PACRG: variants seen among roughly 807,000 people sequenced by gnomAD.
PACRG encodes the protein parkin coregulated gene protein.
PACRG carries 29 observed loss-of-function variants against 29.7 expected under a neutral mutation model. The observed-to-expected ratio is 0.98, with a 90% confidence interval of 0.73 to 1.33. The LOEUF is 1.33. PACRG is among the 40% of genes most tolerant of loss of function. The probability of loss-of-function intolerance (pLI) is 0.00; values close to 1 mark genes in which losing one functional copy is unlikely to be tolerated. For synonymous variants in PACRG, 116 were observed against 118.7 expected (o/e 0.98, Z 0.15); for missense variants, 279 against 316.2 (o/e 0.88, Z 0.89).
At chr6:162,812,127 G>A (rs1193165695) in intron 1 of PACRG, among the ~76,000 whole-genome samples, 1 of 151,798 alleles carries the variant, frequency 6.6e-6, no homozygotes, top group Non-Finnish European at 1.5e-5. Context: ...GGCAAATTGA[G>A]GGAACTTTGT....
At chr6:163,154,224 G>T (rs151054946) in intron 4 of PACRG, among the ~76,000 whole-genome samples, 3 of 152,192 alleles carry the variant, frequency 2.0e-5, no homozygotes, top group African/African-American at 7.2e-5. Flanking sequence ...CAGAAGGATC[G>T]AGAGGCAACA....
At chr6:163,263,215 G>A (rs777429797) in intron 4 of PACRG, among the ~76,000 whole-genome samples, 3 of 150,554 alleles carry the variant, frequency 2.0e-5, no homozygotes, top group Non-Finnish European at 2.9e-5. Context: ...CCAAGGGGCT[G>A]AGAACCCTTC....
In PACRG at chr6:163,264,129, T is replaced by A. The variant is rs144479583; in HGVS notation, c.614-50698T>A. Among the ~76,000 whole-genome samples, 309 of 152,314 alleles carry A rather than the reference T, an allele frequency of 2.0e-3. 2 individuals carry two copies. Among genetic ancestry groups the A allele is most frequent in the South Asian group, 4.1e-3 (20 of 4,828 alleles). On this transcript the variant is annotated intron_variant, in intron 4 of 4. Coordinates refer to ENST00000366888, the MANE Select transcript of PACRG (RefSeq NM_001080379.2). ...AGTGCAAGATGCAAACTCAAATAGC[T>A]GAGAACTCAACTCCTACTGTTAGAT... is the stretch of plus-strand genomic sequence containing the variant.
At chr6:162,886,397 T>A (rs1425087667) in intron 2 of PACRG, among the ~76,000 whole-genome samples, 1 of 152,210 alleles carries the variant, frequency 6.6e-6, no homozygotes. Context: ...ATTCCGGGTT[T>A]TTCCTTTTCA....
intron 4 of PACRG, among the ~76,000 whole-genome samples, chr6:163,215,848 A>G (rs950215642): frequency 5.9e-5 from 9 of 152,218 alleles, no homozygotes; most frequent in Admixed American, 4.6e-4. Context: ...GAAAGGACAA[A>G]TAGACAAATA....
At chr6:163,197,917 A>C (rs777595783) in intron 4 of PACRG, among the ~76,000 whole-genome samples, 1 of 152,210 alleles carries the variant, frequency 6.6e-6, no homozygotes, top group Non-Finnish European at 1.5e-5. Flanking sequence ...CAGGAGCACA[A>C]AACAAAAAGT....
intron 2 of PACRG, among the ~76,000 whole-genome samples, chr6:162,962,221 C>T (rs1261744907): frequency 1.3e-5 from 2 of 152,180 alleles, no homozygotes; most frequent in Admixed American, 6.5e-5. Context: ...TTGTCCATCT[C>T]TATGCCTAAT....
intron 2 of PACRG, among the ~76,000 whole-genome samples, chr6:162,897,261 G>A (rs1010277210): frequency 2.0e-5 from 3 of 152,220 alleles, no homozygotes; most frequent in Non-Finnish European, 4.4e-5. Flanking sequence ...TACTAAAAGA[G>A]AAATTTAGAT....
intron 4 of PACRG, chr6:163,310,317 G>A (rs944018004): frequency 2.0e-5 from 3 of 152,274 alleles, no homozygotes; most frequent in African/African-American, 7.2e-5. Flanking sequence ...AGCGCGTGGA[G>A]GCTCTGGAAG....
At chr6:162,727,753 C>T (rs556535340), upstream of PACRG, 43 of 1,423,100 alleles carry the variant, frequency 3.0e-5, no homozygotes, top group East Asian at 1.0e-3. Context: ...AGCGGCTCTC[C>T]TGGGTTAAAT....
intron 2 of PACRG, among the ~76,000 whole-genome samples, chr6:162,928,654 G>C (rs917680927): frequency 6.6e-6 from 1 of 151,832 alleles, no homozygotes; most frequent in Non-Finnish European, 1.5e-5. Context: ...TTTGAAATAT[G>C]CAATAGATCG....
intron 2 of PACRG, among the ~76,000 whole-genome samples, chr6:163,041,103 C>T (rs1371252571): frequency 3.3e-5 from 5 of 152,038 alleles, no homozygotes; most frequent in Non-Finnish European, 5.9e-5. Context: ...TTTGAGAGGC[C>T]AAGGCGGGCG....
rs140695736 is a variant in PACRG at position 163,067,184 on chromosome 6, T to C, written c.463+4863T>C. 3.4e-3 allele frequency among the ~76,000 whole-genome samples: 511 copies of C among 152,258 alleles called. 1 individual carries two copies. Among genetic ancestry groups the C allele is most frequent in the Admixed American group, 5.5e-3 (84 of 15,292 alleles). On this transcript the variant is annotated intron_variant, in intron 3 of 4. Coordinates refer to ENST00000366888, the MANE Select transcript of PACRG (RefSeq NM_001080379.2). The stretch of plus-strand genomic sequence containing the variant: ...TTCAGTATGCATCCGCGGACCTTGG[T>C]AAAATGCAGGCTCCAGATCAGCAGA...
At chr6:163,271,919 C>A (rs1306807744) in intron 4 of PACRG, among the ~76,000 whole-genome samples, 1 of 152,176 alleles carries the variant, frequency 6.6e-6, no homozygotes, top group African/African-American at 2.4e-5. Context: ...TGTGACTTTC[C>A]ACTTGCTCCT....
intron 1 of PACRG, among the ~76,000 whole-genome samples, chr6:162,795,826 A>G (rs1049473895): frequency 1.3e-5 from 2 of 152,090 alleles, no homozygotes; most frequent in African/African-American, 4.8e-5. Context: ...CATTTTTCCC[A>G]TGTACTTTAT....
chr6:162,769,123 C>A (rs1298655865), intron 1 of PACRG, among the ~76,000 whole-genome samples: 1 of 152,096 alleles, frequency 6.6e-6, no homozygotes, highest in Non-Finnish European at 1.5e-5. Context: ...AACAGTAAAA[C>A]AGCATATGGG....
intron 2 of PACRG, among the ~76,000 whole-genome samples, chr6:163,006,342 A>G (rs1444039651): frequency 1.3e-5 from 2 of 150,644 alleles, no homozygotes; most frequent in Admixed American, 1.3e-4. Context: ...GAACACGAAT[A>G]TGTTCTATTT....
Position 162,853,570 on chromosome 6 carries a change from C to A in PACRG, c.291+39289C>A, listed in dbSNP as rs535154379. On this transcript the variant is annotated intron_variant, in intron 2 of 4. Coordinates refer to ENST00000366888, the MANE Select transcript of PACRG (RefSeq NM_001080379.2). The surrounding 1 kb of genome is among the most constrained non-coding windows in gnomAD (Gnocchi z 4.7). Reference sequence around the variant, plus strand: ...GCTATACTACCAGATAACACAGGAACAGAAAACCAAATACCACATGTTCTC... The same window carrying A: ...GCTATACTACCAGATAACACAGGAAAAGAAAACCAAATACCACATGTTCTC... Among the ~76,000 whole-genome samples the A allele has an allele frequency of 2.6e-5, 4 of 152,256 alleles. No homozygotes were observed. In the East Asian group the frequency reaches 7.7e-4, roughly 29 times the overall value.
chr6:162,846,879 T>TCCACACTGACCACTGTGCTCC (rs1343520528), intron 2 of PACRG, among the ~76,000 whole-genome samples: 1 of 145,942 alleles, frequency 6.9e-6, no homozygotes, highest in Non-Finnish European at 1.5e-5. Context: ...ACCGCTGCTC[T>TCCACACTGACCACTGTGCTCC]CCACACTGAC....
Sources: allele counts gnomAD v4.1 joint callset (sites outside exome capture counted in the v4.1 genomes callset), GRCh38; gene constraint gnomAD v4.1.1; non-coding constraint Gnocchi (gnomAD v3.1); transcripts MANE v1.5; gene names NCBI Gene and HGNC (gene_info 2026-07-23, HGNC 2026-07-21).